SGCZ: variants seen among roughly 807,000 people sequenced by gnomAD.
The protein encoded by SGCZ is sarcoglycan zeta.
A neutral mutation model predicts 41.3 loss-of-function variants in SGCZ; 40 were observed. That is an observed-to-expected ratio of 0.97 (90% CI 0.75 to 1.26). The LOEUF (loss-of-function observed/expected upper bound fraction) is 1.26, where lower values mean the gene tolerates loss of function less well. Among genes scored for constraint, SGCZ ranks in the 50% most tolerant of loss-of-function variants. SGCZ has a pLI of 0.00. For synonymous variants in SGCZ, 206 were observed against 137.5 expected (o/e 1.50, Z -3.49); for missense variants, 552 against 369.8 (o/e 1.49, Z -4.04).
chr8:14,135,226 ATAAATT>A (rs1477324167), intron 5 of SGCZ, among the ~76,000 whole-genome samples: 1 of 152,240 alleles, frequency 6.6e-6, no homozygotes, highest in Admixed American at 6.5e-5. Context: ...AAATAATAAA[ATAAATT>A]CAAAGCTTTT....
intron 2 of SGCZ, among the ~76,000 whole-genome samples, chr8:14,503,725 A>G (rs1802223732): frequency 6.6e-6 from 1 of 152,114 alleles, no homozygotes; most frequent in African/African-American, 2.4e-5. Context: ...CCGAGATCAC[A>G]CCACTGCACT....
chr8:14,618,309 G>A (rs1351961775), intron 1 of SGCZ, among the ~76,000 whole-genome samples: 2 of 152,160 alleles, frequency 1.3e-5, no homozygotes, highest in African/African-American at 4.8e-5. Flanking sequence ...GTTGAATAGA[G>A]CCCATTGCAT....
At chr8:14,196,723 C>A (rs1026960059) in intron 4 of SGCZ, among the ~76,000 whole-genome samples, 1 of 152,012 alleles carries the variant, frequency 6.6e-6, no homozygotes, top group Non-Finnish European at 1.5e-5. Context: ...AGACTAATGG[C>A]ATATGCTGCA....
At chr8:14,829,727 T>C (rs1802461297) in intron 1 of SGCZ, among the ~76,000 whole-genome samples, 1 of 151,874 alleles carries the variant, frequency 6.6e-6, no homozygotes, top group Non-Finnish European at 1.5e-5. Context: ...AAGTTGGATG[T>C]TTAATTTAAC....
At chr8:15,012,290 C>T (rs1240480838) in intron 1 of SGCZ, among the ~76,000 whole-genome samples, 1 of 151,418 alleles carries the variant, frequency 6.6e-6, no homozygotes, top group Non-Finnish European at 1.5e-5. Flanking sequence ...TAGCAAACCT[C>T]CACCTCTACA....
chr8:14,407,065 CTTTTTTTTTTT>C (rs67046431), intron 2 of SGCZ, among the ~76,000 whole-genome samples: 1 of 87,186 alleles, frequency 1.1e-5, no homozygotes. Flanking sequence ...ATGAGTTTTC[CTTTTTTTTTTT>C]TTTTTTTTTT....
chr8:14,971,859 A>G (rs1048064757), intron 1 of SGCZ, among the ~76,000 whole-genome samples: 1 of 152,004 alleles, frequency 6.6e-6, no homozygotes, highest in Non-Finnish European at 1.5e-5. Flanking sequence ...CATGTTGGCC[A>G]GAATGGTTTC....
intron 4 of SGCZ, among the ~76,000 whole-genome samples, chr8:14,217,636 T>G (rs974621244): frequency 1.5e-5 from 2 of 129,434 alleles, no homozygotes; most frequent in African/African-American, 2.6e-5. Flanking sequence ...AAGTTTTTTT[T>G]TTTTTTTTTT....
intron 5 of SGCZ, among the ~76,000 whole-genome samples, chr8:14,156,963 A>AATAATG (rs1287865071): frequency 6.6e-6 from 1 of 152,194 alleles, no homozygotes; most frequent in Non-Finnish European, 1.5e-5. Context: ...TATAATCTAA[A>AATAATG]ATAATGATAA....
rs181622262 is a variant in SGCZ, at chr8:15,021,404, C to T, written c.39+216181G>A. Among the ~76,000 whole-genome samples the T allele has an allele frequency of 3.1e-3, 466 of 152,272 alleles. 2 individuals are homozygous for T. Among genetic ancestry groups the T allele is most frequent in the Non-Finnish European group, 5.1e-3 (344 of 68,018 alleles). On this transcript the variant is annotated intron_variant, in intron 1 of 7. Transcript: ENST00000382080. ...GAAAGGGCCCGTTCAGACTTGTGTT[C>T]TAGGGCCTCACTTACGTGGCTATTA...
chr8:14,843,703 T>C (rs752267566), intron 1 of SGCZ, among the ~76,000 whole-genome samples: 18 of 152,002 alleles, frequency 1.2e-4, no homozygotes, highest in Non-Finnish European at 2.4e-4. Flanking sequence ...AAATTGCAAA[T>C]TAAATGCTAA....
chr8:14,848,960 A>G (rs1480096817), intron 1 of SGCZ, among the ~76,000 whole-genome samples: 1 of 152,164 alleles, frequency 6.6e-6, no homozygotes, highest in Non-Finnish European at 1.5e-5. Flanking sequence ...AAATATGTAA[A>G]GAGCTGTCAA....
intron 1 of SGCZ, among the ~76,000 whole-genome samples, chr8:15,049,147 A>C (rs1804423996): frequency 6.6e-6 from 1 of 152,184 alleles, no homozygotes; most frequent in Admixed American, 6.6e-5. Context: ...CTTAAAAAGA[A>C]ATAAAATTCT....
At chr8:15,126,461 A>G (rs1360012741) in intron 1 of SGCZ, among the ~76,000 whole-genome samples, 1 of 152,194 alleles carries the variant, frequency 6.6e-6, no homozygotes, top group African/African-American at 2.4e-5. Context: ...GAAAGCAAAA[A>G]CACGGGGAAT....
intron 3 of SGCZ, among the ~76,000 whole-genome samples, chr8:14,258,907 C>G (rs1359541324): frequency 6.6e-6 from 1 of 152,152 alleles, no homozygotes; most frequent in Non-Finnish European, 1.5e-5. Flanking sequence ...AATAATTAGA[C>G]ATTATAAATT....
intron 3 of SGCZ, among the ~76,000 whole-genome samples, chr8:14,288,351 T>C (rs1434152222): frequency 3.9e-5 from 6 of 152,098 alleles, no homozygotes; most frequent in Non-Finnish European, 8.8e-5. Flanking sequence ...TCAACGATGT[T>C]CTGCAACCAT....
At chr8:14,412,190 G>T (rs911451684) in intron 2 of SGCZ, among the ~76,000 whole-genome samples, 1 of 152,170 alleles carries the variant, frequency 6.6e-6, no homozygotes, top group East Asian at 1.9e-4. Context: ...TAGTCTCACA[G>T]ACCGGAATGC....
At chr8:14,471,449 A>G (rs1801210662) in intron 2 of SGCZ, among the ~76,000 whole-genome samples, 1 of 152,104 alleles carries the variant, frequency 6.6e-6, no homozygotes, top group Non-Finnish European at 1.5e-5. Context: ...TATATTTTAT[A>G]TATATATGAA....
At chr8:14,611,857 G>A (rs553688366) in intron 1 of SGCZ, among the ~76,000 whole-genome samples, 1 of 152,066 alleles carries the variant, frequency 6.6e-6, no homozygotes, top group Non-Finnish European at 1.5e-5. Flanking sequence ...GAAAAAAATG[G>A]TTTTGATGCA....
Sources: allele counts gnomAD v4.1 joint callset (sites outside exome capture counted in the v4.1 genomes callset), GRCh38; gene constraint gnomAD v4.1.1; transcripts MANE v1.5; gene names NCBI Gene and HGNC (gene_info 2026-07-23, HGNC 2026-07-21).